Variants in DYM observed in about 807,000 individuals in gnomAD.
DYM encodes the protein dyggve-Melchior-Clausen syndrome protein.
In DYM, 78 loss-of-function variants were observed where a neutral mutation model predicts 93.1. The ratio of observed to expected loss-of-function variants is 0.84; its 90% CI spans 0.70 to 1.01. The LOEUF (loss-of-function observed/expected upper bound fraction) is 1.01, where lower values mean the gene tolerates loss of function less well. DYM is among the 50% of genes least tolerant of loss of function. The pLI is 0.00. For missense variants in DYM, 789 were observed against 845.0 expected (o/e 0.93, Z 0.82); for synonymous variants, 321 against 319.7 (o/e 1.00, Z -0.04).
At chr18:49,398,175 A>G (rs906424038) in intron 2 of DYM, among the ~76,000 whole-genome samples, 2 of 152,206 alleles carry the variant, frequency 1.3e-5, no homozygotes, top group African/African-American at 4.8e-5. Flanking sequence ...AATAACCTAG[A>G]AGTGATCCTA....
Position 49,042,258 on chromosome 18 carries a change from G to T in DYM, c.*1797C>A, listed in dbSNP as rs1414750703. The T allele has an allele frequency of 1.3e-5, 2 of 152,820 alleles. No homozygotes were observed. Among genetic ancestry groups the T allele is most frequent in the African/African-American group, 2.4e-5 (1 of 41,442 alleles). 9.5% of individuals were successfully genotyped at this position (152,820 alleles called of 1,614,324 possible). A position where few individuals can be genotyped will look rare whatever the true frequency, so the allele number is the denominator to read the frequency against. ...CCCACTCCAGCAGTGACTGGAGGAG[G>T]CCTGACAGAACAAGCCCCTTGGGGA... On this transcript the variant is annotated 3_prime_UTR_variant, in exon 18 of 18. Transcript: ENST00000675505.
chr18:49,108,682 G>A (rs77468645), intron 16 of DYM, among the ~76,000 whole-genome samples: 2,615 of 152,304 alleles, frequency 0.017, 75 homozygotes, highest in African/African-American at 0.058. Flanking sequence ...AATGGTTCAC[G>A]TGCACTGATG....
intron 13 of DYM, among the ~76,000 whole-genome samples, chr18:49,222,373 C>T (rs1185993384): frequency 6.6e-6 from 1 of 152,050 alleles, no homozygotes; most frequent in East Asian, 1.9e-4. Context: ...AGCATCCTAT[C>T]ACCTACCAAC....
At chr18:49,172,324 T>A (rs1452572770) in intron 14 of DYM, among the ~76,000 whole-genome samples, 1 of 152,224 alleles carries the variant, frequency 6.6e-6, no homozygotes, top group Non-Finnish European at 1.5e-5. Flanking sequence ...GGTTTTTGTG[T>A]GAACATATGT....
intron 14 of DYM, among the ~76,000 whole-genome samples, chr18:49,205,732 A>G (rs2092441539): frequency 6.6e-6 from 1 of 152,190 alleles, no homozygotes; most frequent in African/African-American, 2.4e-5. Flanking sequence ...GACCTCATAG[A>G]CAGCACAGTT....
At position 49,328,875 on chromosome 18, in the gene DYM, C is replaced by T. The variant is rs893748879; in HGVS notation, c.763+2989G>A. ...TCAACCATTGTGGAAGACAGTGTGG[C>T]GATTCCTCAGGGTTCTAGAACTAGA... On this transcript the variant is annotated intron_variant, in intron 8 of 17. Transcript: ENST00000675505. 5.3e-5 allele frequency among the ~76,000 whole-genome samples: 8 copies of T among 152,218 alleles called. No homozygotes were observed. The East Asian group carries it at 9.7e-4, about 18-fold the overall frequency.
At chr18:49,072,516 C>A (rs2076971990) in intron 17 of DYM, among the ~76,000 whole-genome samples, 1 of 152,232 alleles carries the variant, frequency 6.6e-6, no homozygotes, top group Admixed American at 6.5e-5. Context: ...ACTGTGGTTC[C>A]CACAAAGACA....
intron 16 of DYM, among the ~76,000 whole-genome samples, chr18:49,104,348 TC>T (rs2145710475): frequency 6.6e-6 from 1 of 152,322 alleles, no homozygotes; most frequent in East Asian, 1.9e-4. Context: ...TACAATCATG[TC>T]ATCTGCAAAA....
intron 17 of DYM, among the ~76,000 whole-genome samples, chr18:49,048,735 G>A (rs573964898): frequency 3.3e-5 from 5 of 152,276 alleles, no homozygotes; most frequent in African/African-American, 1.2e-4. Context: ...TGACTATTCC[G>A]CTAGAAGGAG....
chr18:49,354,750 G>C (rs2065396456), intron 6 of DYM, among the ~76,000 whole-genome samples: 1 of 152,078 alleles, frequency 6.6e-6, no homozygotes, highest in Non-Finnish European at 1.5e-5. Context: ...CTATTCAAAT[G>C]CCAAAATTTA....
At chr18:49,380,763 G>A (rs1786291855) in intron 3 of DYM, among the ~76,000 whole-genome samples, 1 of 152,226 alleles carries the variant, frequency 6.6e-6, no homozygotes, top group Non-Finnish European at 1.5e-5. Context: ...GACAGGCTCA[G>A]AAAGGCTAAG....
At chr18:49,177,389 T>G (rs1265247053) in intron 14 of DYM, among the ~76,000 whole-genome samples, 1 of 152,180 alleles carries the variant, frequency 6.6e-6, no homozygotes, top group Non-Finnish European at 1.5e-5. Flanking sequence ...ATAACTACGT[T>G]ATAACACAAT....
At chr18:49,245,887 C>G (rs2094152700) in intron 13 of DYM, among the ~76,000 whole-genome samples, 1 of 152,186 alleles carries the variant, frequency 6.6e-6, no homozygotes, top group Admixed American at 6.5e-5. Context: ...TCTCTTTGTG[C>G]TCTTTCTCTT....
chr18:49,097,037 G>A, intron 17 of DYM: 1 of 355,668 alleles, frequency 2.8e-6, no homozygotes, highest in Non-Finnish European at 5.4e-6. Flanking sequence ...AACCTGTGTG[G>A]CACTGAGTCA....
Position 49,237,368 on chromosome 18 carries a change from C to T in DYM, c.1460+19642G>A, listed in dbSNP as rs116748829. 3.2e-3 allele frequency among the ~76,000 whole-genome samples: 490 copies of T among 152,252 alleles called. 1 individual carries two copies. Among genetic ancestry groups the T allele is most frequent in the African/African-American group, 0.011 (462 of 41,550 alleles). ...TCAATGATATTTTGAGGCCATATAT[C>T]TTTCAACATAGATTATATTATGGAA... On this transcript the variant is annotated intron_variant, in intron 13 of 17. Transcript: ENST00000675505.
chr18:49,176,748 G>A (rs1190699115), intron 14 of DYM, among the ~76,000 whole-genome samples: 1 of 151,812 alleles, frequency 6.6e-6, no homozygotes, highest in South Asian at 2.1e-4. Flanking sequence ...GGTCAGAAAT[G>A]TTATTTAGCA....
intron 17 of DYM, among the ~76,000 whole-genome samples, chr18:49,091,738 A>C (rs1041919381): frequency 3.0e-4 from 46 of 152,054 alleles, no homozygotes; most frequent in African/African-American, 1.1e-3. Context: ...ATATTTATTT[A>C]TTTATTTATT....
intron 8 of DYM, chr18:49,321,293 T>C: frequency 2.5e-6 from 1 of 398,100 alleles, no homozygotes; most frequent in Non-Finnish European, 4.4e-6. Flanking sequence ...GATTGCTTTA[T>C]TCTATATTCC....
chr18:49,053,150 A>G (rs2075170955), intron 17 of DYM, among the ~76,000 whole-genome samples: 1 of 152,192 alleles, frequency 6.6e-6, no homozygotes, highest in Non-Finnish European at 1.5e-5. Context: ...TCAACCTACC[A>G]CAGTGGGACA....
Sources: gnomAD v4.1 joint callset for allele counts (sites outside exome capture counted in the v4.1 genomes callset) on GRCh38, gnomAD v4.1.1 for gene constraint, MANE v1.5 for transcripts, NCBI Gene and HGNC (gene_info 2026-07-23, HGNC 2026-07-21) for gene names.